The following BANP variants were observed in gnomAD, a reference collection of about 807,000 sequenced individuals.
BANP encodes protein BANP.
In BANP, 11 loss-of-function variants were observed where a neutral mutation model predicts 68.1. That is an observed-to-expected ratio of 0.16 (90% CI 0.10 to 0.27). The LOEUF is 0.27. Ranked by LOEUF, BANP falls within the 10% of genes least tolerant of loss-of-function variation. BANP has a pLI of 1.00. For synonymous variants in BANP, 329 were observed against 303.2 expected, an observed-to-expected ratio of 1.09 and a Z score of -0.88; for missense variants, 504 against 722.7, an observed-to-expected ratio of 0.70 and a Z score of 3.47.
intron 11 of BANP, among the ~76,000 whole-genome samples, chr16:88,062,577 C>T (rs1044114177): frequency 3.3e-5 from 5 of 152,222 alleles, no homozygotes; most frequent in African/African-American, 7.2e-5. Context: ...CTGTCCCCAA[C>T]CAAGCCTCTC....
In BANP at chr16:88,076,698, C is replaced by A. The variant is rs1399780839; in HGVS notation, c.*37C>A. 1.3e-6 allele frequency: 2 copies of A among 1,571,690 alleles called. No homozygotes were observed. The highest frequency in any genetic ancestry group is 1.7e-6 in the Non-Finnish European group (2 of 1,158,224). The stretch of plus-strand genomic sequence containing the variant: ...GGCACCAGGAGCCCCTCGCCGGCTC[C>A]GCCTACGGCCCGGCCCCCACGCGCC... On this transcript the variant is annotated 3_prime_UTR_variant, in exon 14 of 14. Transcript: ENST00000682872.
chr16:88,042,705 C>T (rs1268938098), intron 11 of BANP, among the ~76,000 whole-genome samples: 1 of 152,184 alleles, frequency 6.6e-6, no homozygotes, highest in Non-Finnish European at 1.5e-5. Flanking sequence ...ATCGCTTGAG[C>T]CCAGGAGTTT....
intron 1 of BANP, among the ~76,000 whole-genome samples, chr16:87,972,897 C>T (rs1422286373): frequency 6.6e-6 from 1 of 152,114 alleles, no homozygotes; most frequent in Non-Finnish European, 1.5e-5. Flanking sequence ...GCCTCTGGGT[C>T]AGCCCTGCAG....
At chr16:88,058,718 G>C (rs2085839163) in intron 11 of BANP, among the ~76,000 whole-genome samples, 1 of 137,768 alleles carries the variant, frequency 7.3e-6, no homozygotes, top group South Asian at 2.1e-4. Context: ...GGACTGGGAG[G>C]TTGTAATTAA....
upstream of BANP, chr16:87,950,657 A>C (rs1033211165): frequency 6.6e-6 from 1 of 152,208 alleles, no homozygotes; most frequent in Non-Finnish European, 1.5e-5. Flanking sequence ...GCTGGTCGCG[A>C]ACCCTTTACC....
intron 7 of BANP, among the ~76,000 whole-genome samples, chr16:88,023,769 C>T (rs1037510726): frequency 6.6e-6 from 1 of 152,218 alleles, no homozygotes; most frequent in Non-Finnish European, 1.5e-5. Flanking sequence ...AGTGGGAAGG[C>T]AGCTAACGGT....
chr16:88,059,571 A>G (rs926512586), intron 11 of BANP, among the ~76,000 whole-genome samples: 1 of 151,972 alleles, frequency 6.6e-6, no homozygotes, highest in Non-Finnish European at 1.5e-5. Context: ...TCCCCATACC[A>G]TCTTCGGCAG....
At chr16:88,026,454 G>T (rs1056628953) in intron 7 of BANP, among the ~76,000 whole-genome samples, 6 of 152,230 alleles carry the variant, frequency 3.9e-5, no homozygotes, top group Non-Finnish European at 7.3e-5. Context: ...GCGCCAGAAT[G>T]TTCTGGGTGC....
At chr16:87,951,884 G>A (rs1271945366) in intron 1 of BANP, among the ~76,000 whole-genome samples, 4 of 152,102 alleles carry the variant, frequency 2.6e-5, no homozygotes, top group Non-Finnish European at 4.4e-5. Flanking sequence ...GCCTAGAACC[G>A]CGCCCGGGCT....
chr16:87,992,092 A>C (rs2066005929), intron 4 of BANP, among the ~76,000 whole-genome samples: 1 of 152,156 alleles, frequency 6.6e-6, no homozygotes. Context: ...GGATTTTCAC[A>C]TGCCTTTTCT....
intron 6 of BANP, among the ~76,000 whole-genome samples, chr16:88,010,049 A>G (rs558067560): frequency 3.9e-5 from 6 of 152,390 alleles, no homozygotes; most frequent in African/African-American, 1.4e-4. Context: ...AGCAGGGAAC[A>G]GTAGACTGTG....
chr16:88,025,653 A>C (rs2076847125), intron 7 of BANP, among the ~76,000 whole-genome samples: 1 of 152,166 alleles, frequency 6.6e-6, no homozygotes, highest in Non-Finnish European at 1.5e-5. Flanking sequence ...ACTGATAAGA[A>C]AGTCAAGAGG....
In BANP at chr16:88,037,574, C is replaced by T. The variant is rs371128234; in HGVS notation, c.1273-399C>T. On this transcript the variant is annotated intron_variant, in intron 10 of 13. Transcript: ENST00000682872. ...TCCTTGCGTGCAGCCCGTGACCTGG[C>T]GTGGTGATGCCGCACAGCTCAGCAA... is the stretch of plus-strand genomic sequence containing the variant. 1.0e-3 allele frequency: 210 copies of T among 207,306 alleles called. 1 individual carries two copies. The highest frequency in any genetic ancestry group is 4.3e-3 in the African/African-American group (182 of 42,518). The allele number at this position is 207,306 out of a possible 1,614,324, so 12.8% of individuals were successfully genotyped here.
At chr16:88,024,153 G>C (rs1296014464) in intron 7 of BANP, among the ~76,000 whole-genome samples, 1 of 152,220 alleles carries the variant, frequency 6.6e-6, no homozygotes, top group Non-Finnish European at 1.5e-5. Context: ...CAGGACAGCA[G>C]AGTCACGTGT....
intron 7 of BANP, among the ~76,000 whole-genome samples, chr16:88,020,645 G>C (rs1018682773): frequency 6.6e-6 from 1 of 152,216 alleles, no homozygotes; most frequent in Non-Finnish European, 1.5e-5. Flanking sequence ...GGATGGTGGT[G>C]TGTGGGATGA....
At chr16:87,958,798 CTA>C (rs1443811685) in intron 1 of BANP, among the ~76,000 whole-genome samples, 1 of 152,244 alleles carries the variant, frequency 6.6e-6, no homozygotes, top group Non-Finnish European at 1.5e-5. Context: ...ATTTTAATCT[CTA>C]TGGAGATCAG....
intron 7 of BANP, among the ~76,000 whole-genome samples, chr16:88,027,028 G>T (rs1259896593): frequency 6.6e-6 from 1 of 152,248 alleles, no homozygotes; most frequent in Non-Finnish European, 1.5e-5. Context: ...GGCGGTGGCC[G>T]AGCAGGCCCG....
chr16:87,989,799 CGCA>C (rs2065446604), intron 4 of BANP, among the ~76,000 whole-genome samples: 4 of 117,298 alleles, frequency 3.4e-5, no homozygotes, highest in Non-Finnish European at 5.1e-5. Flanking sequence ...CGTGGCTGCG[CGCA>C]TCCAGGACAC....
Position 87,957,754 on chromosome 16 carries a change from C to G in BANP, c.-69+6239C>G, listed in dbSNP as rs1212480660. ...TTCCTTGCCGGTGTGAATGCGCTTC[C>G]CGTAAATATGGCAGAACGCCTTCAC... is the stretch of plus-strand genomic sequence containing the variant. On this transcript the variant is annotated intron_variant, in intron 1 of 13. Transcript: ENST00000682872. This position sits in a 1 kb window ranked among gnomAD's most constrained non-coding sequence, Gnocchi z 4.3. 6.6e-6 allele frequency among the ~76,000 whole-genome samples: 1 copy of G among 152,350 alleles called. No individual in the cohort carries two copies. The highest frequency in any genetic ancestry group is 2.4e-5 in the African/African-American group (1 of 41,574).
Sources: gnomAD v4.1 joint callset for allele counts (sites outside exome capture counted in the v4.1 genomes callset) on GRCh38, gnomAD v4.1.1 for gene constraint, Gnocchi (gnomAD v3.1) non-coding constraint, MANE v1.5 for transcripts, NCBI Gene and HGNC (gene_info 2026-07-23, HGNC 2026-07-21) for gene names.